The following CSMD2 variants were observed in gnomAD, a reference collection of about 807,000 sequenced individuals.
CSMD2 encodes the protein CUB and Sushi multiple domains 2.
A neutral mutation model predicts 398.5 loss-of-function variants in CSMD2; 130 were observed. That is an observed-to-expected ratio of 0.33 (90% CI 0.28 to 0.38). CSMD2 has a LOEUF of 0.38. Among genes scored for constraint, CSMD2 ranks in the 10% least tolerant of loss-of-function variants. The pLI is 1.00. For synonymous variants in CSMD2, 1,828 were observed against 1,908.5 expected (o/e 0.96, Z 1.10); for missense variants, 3,829 against 4,764.9 (o/e 0.80, Z 5.78).
chr1:33,587,251 T>C (rs564641664), intron 44 of CSMD2, 83 bp from the exon 45 acceptor site: 24 of 1,034,250 alleles, frequency 2.3e-5, no homozygotes, highest in Non-Finnish European at 3.1e-5. Flanking sequence ...TTCTTCACTT[T>C]CTCATCCCTC....
chr1:33,542,957 G>T, intron 57 of CSMD2, 61 bp from the exon 58 acceptor site: 2 of 1,466,004 alleles, frequency 1.4e-6, no homozygotes, highest in Non-Finnish European at 1.9e-6. Flanking sequence ...CTAGGGGACT[G>T]ATAACTGCCC....
At chr1:34,144,524 G>A (rs770792467) in intron 1 of CSMD2, among the ~76,000 whole-genome samples, 25 of 152,210 alleles carry the variant, frequency 1.6e-4, no homozygotes, top group Non-Finnish European at 3.1e-4. Flanking sequence ...TGTGAGGGAA[G>A]CCTGAGGCTG....
At chr1:34,144,618 C>T (rs933784785) in intron 1 of CSMD2, among the ~76,000 whole-genome samples, 11 of 152,180 alleles carry the variant, frequency 7.2e-5, no homozygotes, top group Admixed American at 7.2e-4. Flanking sequence ...ATATCCAAAG[C>T]CATGTCTTCC....
At chr1:33,621,795 G>A (rs1274405717) in intron 37 of CSMD2, among the ~76,000 whole-genome samples, 1 of 152,142 alleles carries the variant, frequency 6.6e-6, no homozygotes, top group Non-Finnish European at 1.5e-5. Flanking sequence ...AATGAAAGGA[G>A]GAACTTCAAA....
At chr1:33,942,638 C>G (rs181913864) in intron 3 of CSMD2, among the ~76,000 whole-genome samples, 1 of 152,248 alleles carries the variant, frequency 6.6e-6, no homozygotes, top group Non-Finnish European at 1.5e-5. Context: ...TGCTTAGACC[C>G]TGTCCCTAAA....
chr1:33,712,895 G>T (rs143637979), intron 21 of CSMD2, among the ~76,000 whole-genome samples: 1 of 152,188 alleles, frequency 6.6e-6, no homozygotes, highest in African/African-American at 2.4e-5. Flanking sequence ...TAAACCCTGG[G>T]GTTATTTAAT....
At chr1:34,046,104 C>G (rs1248084069) in intron 2 of CSMD2, among the ~76,000 whole-genome samples, 1 of 152,184 alleles carries the variant, frequency 6.6e-6, no homozygotes, top group Non-Finnish European at 1.5e-5. Flanking sequence ...TGTAAAGCTA[C>G]CTTCCGTTAG....
intron 33 of CSMD2, among the ~76,000 whole-genome samples, chr1:33,626,229 G>A (rs1241952109): frequency 6.6e-6 from 1 of 152,200 alleles, no homozygotes; most frequent in Non-Finnish European, 1.5e-5. Context: ...GGTGGAGTGG[G>A]GAAGGGGAAA....
intron 13 of CSMD2, among the ~76,000 whole-genome samples, chr1:33,758,481 A>C (rs920651368): frequency 9.2e-5 from 14 of 152,264 alleles, no homozygotes; most frequent in African/African-American, 2.4e-4. Flanking sequence ...AACACTACTA[A>C]TAATAATTGT....
chr1:34,061,196 T>A (rs940284763), intron 2 of CSMD2, among the ~76,000 whole-genome samples: 1 of 152,058 alleles, frequency 6.6e-6, no homozygotes, highest in Non-Finnish European at 1.5e-5. Context: ...GTGGAGGACC[T>A]CTCCTTACAA....
At chr1:33,661,843 T>C (rs921657780) in intron 26 of CSMD2, among the ~76,000 whole-genome samples, 1 of 152,040 alleles carries the variant, frequency 6.6e-6, no homozygotes, top group African/African-American at 2.4e-5. Flanking sequence ...CACCCTTAGC[T>C]GATACACCAA....
At chr1:33,733,259 C>A (rs1646779220) in intron 15 of CSMD2, among the ~76,000 whole-genome samples, 1 of 152,160 alleles carries the variant, frequency 6.6e-6, no homozygotes. Context: ...TCTAGCTCTG[C>A]CTCCCCACTA....
At chr1:33,599,958 G>C in intron 44 of CSMD2, 1 of 593,920 alleles carries the variant, frequency 1.7e-6, no homozygotes, top group South Asian at 2.2e-5. Context: ...CAGATACTGC[G>C]GAGGCTGGGT....
intron 2 of CSMD2, among the ~76,000 whole-genome samples, chr1:34,045,839 G>A (rs1289620286): frequency 8.5e-5 from 13 of 152,178 alleles, no homozygotes; most frequent in Admixed American, 8.5e-4. Flanking sequence ...CCCTCTTGAT[G>A]TGCTCTACCC....
intron 12 of CSMD2, 52 bp downstream of exon 12, chr1:33,788,548 C>G: frequency 2.0e-6 from 2 of 996,966 alleles, no homozygotes; most frequent in Non-Finnish European, 3.2e-6. Flanking sequence ...AAATCCAGAC[C>G]CCGTCTCTGA....
chr1:33,788,798 T>A, intron 11 of CSMD2, 86 bp from the exon 12 acceptor site: 1 of 942,460 alleles, frequency 1.1e-6, no homozygotes, highest in Non-Finnish European at 1.7e-6. Context: ...TTTAAAGGAC[T>A]ATCCAGGATC....
chr1:34,130,389 C>CAAAA (rs60733725), intron 1 of CSMD2, among the ~76,000 whole-genome samples: 17,484 of 58,206 alleles, frequency 0.3, 3,326 homozygotes, highest in East Asian at 0.57. Context: ...TGTCTGGAGG[C>CAAAA]AAAAAAAAAA....
At chr1:34,129,432 A>C (rs1243777861) in intron 1 of CSMD2, among the ~76,000 whole-genome samples, 1 of 152,150 alleles carries the variant, frequency 6.6e-6, no homozygotes, top group Non-Finnish European at 1.5e-5. Context: ...CAGGCAGATC[A>C]CGAGGTCAGG....
intron 39 of CSMD2, among the ~76,000 whole-genome samples, chr1:33,616,219 T>A (rs1191306160): frequency 6.6e-6 from 1 of 152,124 alleles, no homozygotes; most frequent in African/African-American, 2.4e-5. Flanking sequence ...GCCCTCAGCA[T>A]TTCTTTTCCT....
Sources: allele counts gnomAD v4.1 joint callset (sites outside exome capture counted in the v4.1 genomes callset), GRCh38; gene constraint gnomAD v4.1.1; transcripts MANE v1.5; gene names NCBI Gene and HGNC (gene_info 2026-07-23, HGNC 2026-07-21).